Variants in FAM227B observed in about 807,000 individuals in gnomAD.
The protein encoded by FAM227B is family with sequence similarity 227 member B.
FAM227B carries 88 observed loss-of-function variants against 73.8 expected under a neutral mutation model. That is an observed-to-expected ratio of 1.19 (90% confidence interval 1.00 to 1.42). The LOEUF is 1.42. FAM227B is among the 40% of genes most tolerant of loss of function. The pLI is 0.00. For synonymous variants in FAM227B, 210 were observed against 190.5 expected, an observed-to-expected ratio of 1.10 and a Z score of -0.84; for missense variants, 632 against 590.9, an observed-to-expected ratio of 1.07 and a Z score of -0.72.
chr15:49,547,855 T>C (rs568822955), intron 9 of FAM227B, among the ~76,000 whole-genome samples: 3 of 152,290 alleles, frequency 2.0e-5, no homozygotes, highest in East Asian at 1.9e-4. Context: ...AAATTAGATA[T>C]ACAGCAACAC....
intron 11 of FAM227B, among the ~76,000 whole-genome samples, chr15:49,398,800 C>T (rs373124879): frequency 3.8e-5 from 2 of 52,212 alleles, no homozygotes; most frequent in East Asian, 3.4e-4. Context: ...TTGAAACCAA[C>T]GAGAACAAAG....
At chr15:49,501,604 A>T (rs1015818191) in intron 11 of FAM227B, among the ~76,000 whole-genome samples, 2 of 152,264 alleles carry the variant, frequency 1.3e-5, no homozygotes. Flanking sequence ...CAGGAAGCAT[A>T]ACGTAAAAGG....
At chr15:49,578,757 G>C (rs188070244) in intron 5 of FAM227B, among the ~76,000 whole-genome samples, 1 of 152,282 alleles carries the variant, frequency 6.6e-6, no homozygotes, top group East Asian at 1.9e-4. Context: ...TTGGAAAGAA[G>C]GCTATATGCT....
chr15:49,328,300 A>ATATATCT lies in FAM227B; in HGVS notation c.*267_*268insAGATATA, dbSNP rs2037880451. 8.3e-6 allele frequency: 12 copies of ATATATCT among 1,437,576 alleles called. No individual in the cohort carries two copies. The South Asian group carries it at 1.7e-4, about 20-fold the overall frequency. The allele number at this position is 1,437,576 out of a possible 1,614,324, so 89.1% of individuals were successfully genotyped here. On this transcript the variant is annotated 3_prime_UTR_variant, in exon 16 of 16. Coordinates refer to ENST00000299338, the MANE Select transcript of FAM227B (RefSeq NM_152647.3). ...TATATCAAGATATATTTTCAAAGAA[A>ATATATCT]TGGTTGAAAGCTCTCTATGCTTCAT...
intron 11 of FAM227B, among the ~76,000 whole-genome samples, chr15:49,410,723 G>T (rs960214237): frequency 4.6e-5 from 7 of 151,964 alleles, no homozygotes; most frequent in African/African-American, 1.7e-4. Flanking sequence ...CTCTTTTAAA[G>T]TTACTGGATA....
intron 11 of FAM227B, among the ~76,000 whole-genome samples, chr15:49,465,607 A>G (rs1404341556): frequency 1.3e-5 from 2 of 152,130 alleles, no homozygotes; most frequent in African/African-American, 2.4e-5. Context: ...GAGACCTATA[A>G]TTGATTGAAA....
intron 11 of FAM227B, among the ~76,000 whole-genome samples, chr15:49,404,507 T>A (rs543443729): frequency 4.0e-4 from 61 of 152,324 alleles, no homozygotes; most frequent in African/African-American, 1.3e-3. Context: ...CCCTTTATCA[T>A]TATGTAACAC....
Position 49,615,240 on chromosome 15 carries a change from C to A in FAM227B, c.-69G>T. On this transcript the variant is annotated 5_prime_UTR_variant, in exon 2 of 16. Transcript: ENST00000299338. ...TAGGCTTCAATGTGAGTTGGGCGAC[C>A]AAACTGGGGTATGAAAGACACCCAA... The A allele has an allele frequency of 7.3e-7, 1 of 1,366,106 alleles. No individual in the cohort carries two copies. 84.6% of individuals were successfully genotyped at this position (1,366,106 alleles called of 1,614,324 possible).
At chr15:49,503,918 A>C (rs956960021) in intron 11 of FAM227B, among the ~76,000 whole-genome samples, 6 of 152,124 alleles carry the variant, frequency 3.9e-5, no homozygotes, top group African/African-American at 1.4e-4. Context: ...CAGCCATCCC[A>C]TTACTGGGTA....
chr15:49,450,245 G>A (rs2052599899), intron 11 of FAM227B, among the ~76,000 whole-genome samples: 1 of 152,100 alleles, frequency 6.6e-6, no homozygotes, highest in Admixed American at 6.6e-5. Flanking sequence ...AACTGATGAA[G>A]TGTGTTCATT....
intron 11 of FAM227B, among the ~76,000 whole-genome samples, chr15:49,415,685 A>T (rs2049164583): frequency 6.6e-6 from 1 of 152,176 alleles, no homozygotes; most frequent in Non-Finnish European, 1.5e-5. Flanking sequence ...ATTTTTATAG[A>T]CTCAGAGATA....
chr15:49,615,086 T>C (rs375273998), intron 2 of FAM227B, 35 bp downstream of exon 2: 37 of 1,592,072 alleles, frequency 2.3e-5, no homozygotes, highest in Non-Finnish European at 2.9e-5. Flanking sequence ...ATATAACCTT[T>C]GTAAGTGAAC....
chr15:49,367,883 A>G (rs1383020179), intron 12 of FAM227B: 1 of 184,236 alleles, frequency 5.4e-6, no homozygotes, highest in East Asian at 1.2e-4. Context: ...AAAAAAAAAA[A>G]TGAAGAAAAT....
At chr15:49,548,630 T>C (rs995330542) in intron 9 of FAM227B, among the ~76,000 whole-genome samples, 1 of 152,212 alleles carries the variant, frequency 6.6e-6, no homozygotes, top group African/African-American at 2.4e-5. Flanking sequence ...TTTGGTAGAA[T>C]TCAGCAGTGA....
chr15:49,543,684 G>C (rs930960413), intron 9 of FAM227B, among the ~76,000 whole-genome samples: 2 of 151,992 alleles, frequency 1.3e-5, no homozygotes, highest in African/African-American at 4.8e-5. Context: ...TTTTGTATAA[G>C]AGACAAGTAT....
At chr15:49,547,449 T>C (rs1022233641) in intron 9 of FAM227B, among the ~76,000 whole-genome samples, 1 of 152,040 alleles carries the variant, frequency 6.6e-6, no homozygotes, top group African/African-American at 2.4e-5. Context: ...TAAATGTAAA[T>C]GGGCTAAATG....
At chr15:49,478,592 A>C (rs2151999015) in intron 11 of FAM227B, among the ~76,000 whole-genome samples, 1 of 152,230 alleles carries the variant, frequency 6.6e-6, no homozygotes, top group African/African-American at 2.4e-5. Flanking sequence ...TAACATGCCA[A>C]AGAGGGTATA....
chr15:49,375,816 A>T (rs1309984622), intron 11 of FAM227B, among the ~76,000 whole-genome samples: 2 of 152,134 alleles, frequency 1.3e-5, no homozygotes, highest in African/African-American at 4.8e-5. Flanking sequence ...TAAAATTGAG[A>T]CTAATTTAAT....
intron 11 of FAM227B, chr15:49,424,710 C>G: frequency 1.3e-6 from 1 of 745,598 alleles, no homozygotes; most frequent in Non-Finnish European, 2.1e-6. Flanking sequence ...CACCTAATTT[C>G]TCTAAATTGA....
Sources: gnomAD v4.1 joint callset for allele counts (sites outside exome capture counted in the v4.1 genomes callset) on GRCh38, gnomAD v4.1.1 for gene constraint, MANE v1.5 for transcripts, NCBI Gene and HGNC (gene_info 2026-07-23, HGNC 2026-07-21) for gene names.